Variants in TMEM266 observed in about 807,000 individuals in gnomAD.
TMEM266 encodes the protein transmembrane protein 266, also known as Hv1 related protein 1.
In TMEM266, 33 loss-of-function variants were observed where a neutral mutation model predicts 50.5. The ratio of observed to expected loss-of-function variants is 0.65; its 90% CI spans 0.50 to 0.87. TMEM266 has a LOEUF of 0.87. Ranked by LOEUF, TMEM266 falls within the 40% of genes least tolerant of loss-of-function variation. The probability of loss-of-function intolerance (pLI) is 0.00; values close to 1 mark genes in which losing one functional copy is unlikely to be tolerated. For missense variants in TMEM266, 655 were observed against 695.1 expected (o/e 0.94, Z 0.65); for synonymous variants, 310 against 292.3 (o/e 1.06, Z -0.62).
chr15:76,104,680 G>A (rs1371653952), intron 1 of TMEM266, among the ~76,000 whole-genome samples: 1 of 152,158 alleles, frequency 6.6e-6, no homozygotes, highest in Non-Finnish European at 1.5e-5. Context: ...GTGATTGCTC[G>A]ATTTCCCAGG....
At chr15:76,185,345 G>A (rs1240911778) in intron 8 of TMEM266, among the ~76,000 whole-genome samples, 4 of 152,000 alleles carry the variant, frequency 2.6e-5, no homozygotes, top group Non-Finnish European at 5.9e-5. Flanking sequence ...TTTAATGGCT[G>A]TAAGTTTTGA....
At position 76,139,269 on chromosome 15, in the gene TMEM266, G is replaced by T. The variant is rs753689997; in HGVS notation, c.227+1374G>T. Among the ~76,000 whole-genome samples, 3 of 152,006 alleles carry T rather than the reference G, an allele frequency of 2.0e-5. No homozygotes were observed. Among genetic ancestry groups the T allele is most frequent in the African/African-American group, 4.8e-5 (2 of 41,404 alleles). Reference sequence around the variant, plus strand: ...ATGGTGAAACCACACACCTTTTTTTGCAGAAACTACACCCCAGTGGCTTTC... The same window carrying T: ...ATGGTGAAACCACACACCTTTTTTTTCAGAAACTACACCCCAGTGGCTTTC... On this transcript the variant is annotated intron_variant, in intron 3 of 10. Transcript: ENST00000388942. The surrounding 1 kb of genome is among the most constrained non-coding windows in gnomAD (Gnocchi z 4.1).
At position 76,196,518 on chromosome 15, in the gene TMEM266, C is replaced by T. The variant is rs201893560; in HGVS notation, c.958+4361C>T. On this transcript the variant is annotated intron_variant, in intron 9 of 10. Coordinates refer to ENST00000388942, the MANE Select transcript of TMEM266 (RefSeq NM_152335.3). ...CATGACATTAGAAATTATGGCTGGA[C>T]AAGCTGAGAGCACTGTAGGCTACTC... is the stretch of plus-strand genomic sequence containing the variant. 2.8e-4 allele frequency among the ~76,000 whole-genome samples: 42 copies of T among 151,626 alleles called. 1 individual carries two copies. The East Asian group carries it at 7.7e-3, about 28-fold the overall frequency.
At chr15:76,175,247 G>T (rs2038255291) in intron 7 of TMEM266, 3 of 268,026 alleles carry the variant, frequency 1.1e-5, no homozygotes, top group South Asian at 8.6e-5. Context: ...CCAGAAGGTG[G>T]TCTTGTGGCC....
intron 1 of TMEM266, among the ~76,000 whole-genome samples, chr15:76,077,922 C>T (rs2036627927): frequency 6.6e-6 from 1 of 152,020 alleles, no homozygotes; most frequent in Non-Finnish European, 1.5e-5. Flanking sequence ...TGGGAGTAAA[C>T]ACATGGTAAA....
chr15:76,062,541 G>A (rs897397856), intron 1 of TMEM266, among the ~76,000 whole-genome samples: 2 of 152,160 alleles, frequency 1.3e-5, no homozygotes, highest in Non-Finnish European at 2.9e-5. Context: ...CTCAAGATGA[G>A]TCCTGATGTT....
intron 1 of TMEM266, among the ~76,000 whole-genome samples, chr15:76,115,846 G>T (rs78372815): frequency 0.011 from 1,705 of 152,282 alleles, 38 homozygotes; most frequent in African/African-American, 0.039. Context: ...CCAGGATGCA[G>T]CTATGTGACC....
At chr15:76,170,079 A>C (rs2038164907) in intron 6 of TMEM266, among the ~76,000 whole-genome samples, 1 of 152,204 alleles carries the variant, frequency 6.6e-6, no homozygotes, top group South Asian at 2.1e-4. Flanking sequence ...ATTCATTTAG[A>C]ATGTTAAAAG....
intron 2 of TMEM266, among the ~76,000 whole-genome samples, chr15:76,135,447 T>C (rs1013133734): frequency 6.6e-6 from 1 of 152,224 alleles, no homozygotes; most frequent in Non-Finnish European, 1.5e-5. Flanking sequence ...AAATAGTTTG[T>C]TCGCACTTCT....
At position 76,085,401 on chromosome 15, in the gene TMEM266, G is replaced by A. The variant is rs143692844; in HGVS notation, c.-97+25385G>A. The stretch of plus-strand genomic sequence containing the variant: ...GCCTCCTGAGTAGCTGGGACTACAG[G>A]CATGCACCACCACACCTGGCTAATT... On this transcript the variant is annotated intron_variant, in intron 1 of 10. Coordinates refer to ENST00000388942, the MANE Select transcript of TMEM266 (RefSeq NM_152335.3). Among the ~76,000 whole-genome samples, 225 of 152,162 alleles carry A rather than the reference G, an allele frequency of 1.5e-3. 1 individual carries two copies. In the East Asian group the frequency reaches 0.019, roughly 13 times the overall value.
chr15:76,069,470 G>A (rs2036501728), intron 1 of TMEM266, among the ~76,000 whole-genome samples: 1 of 152,166 alleles, frequency 6.6e-6, no homozygotes, highest in South Asian at 2.1e-4. Flanking sequence ...AGAGCTGGAG[G>A]AGACCTTAAG....
At chr15:76,116,431 T>G (rs368836623) in intron 1 of TMEM266, among the ~76,000 whole-genome samples, 10 of 152,046 alleles carry the variant, frequency 6.6e-5, no homozygotes, top group African/African-American at 1.9e-4. Context: ...GGAAGGGAAA[T>G]GCTCACATTC....
chr15:76,159,892 C>T (rs568049635), intron 4 of TMEM266, among the ~76,000 whole-genome samples: 19 of 152,060 alleles, frequency 1.2e-4, no homozygotes, highest in Non-Finnish European at 1.9e-4. Context: ...AGAACAGCAT[C>T]GTTGGCTCCC....
chr15:76,188,609 A>C (rs1294434468), intron 8 of TMEM266, among the ~76,000 whole-genome samples: 2 of 152,168 alleles, frequency 1.3e-5, no homozygotes, highest in African/African-American at 4.8e-5. Context: ...CTGAAAAACA[A>C]ACGAACAAAC....
At chr15:76,190,068 CAAA>C (rs1259324467) in intron 8 of TMEM266, among the ~76,000 whole-genome samples, 9 of 152,162 alleles carry the variant, frequency 5.9e-5, no homozygotes, top group Non-Finnish European at 1.5e-5. Context: ...GTAAAATCAA[CAAA>C]ATATTAAAAT....
At chr15:76,190,637 A>G (rs571515740) in intron 8 of TMEM266, among the ~76,000 whole-genome samples, 1 of 152,286 alleles carries the variant, frequency 6.6e-6, no homozygotes, top group South Asian at 2.1e-4. Context: ...AGGTGATTGC[A>G]TTTTTGGCTC....
intron 3 of TMEM266, among the ~76,000 whole-genome samples, chr15:76,155,536 G>C (rs1022317679): frequency 2.6e-5 from 4 of 152,156 alleles, no homozygotes; most frequent in African/African-American, 9.7e-5. Flanking sequence ...CTCTAGTCTT[G>C]CCAGATTCTC....
chr15:76,167,744 G>A (rs749179492), intron 5 of TMEM266, among the ~76,000 whole-genome samples: 2 of 152,026 alleles, frequency 1.3e-5, no homozygotes, highest in African/African-American at 2.4e-5. Context: ...CAAGCGATCT[G>A]CCCGCCTTGC....
At chr15:76,086,020 C>T in intron 1 of TMEM266, among the ~76,000 whole-genome samples, 1 of 150,834 alleles carries the variant, frequency 6.6e-6, no homozygotes, top group Non-Finnish European at 1.5e-5. Context: ...TGCACTCCAG[C>T]CTGGGCGATG....
Sources: allele counts gnomAD v4.1 joint callset (sites outside exome capture counted in the v4.1 genomes callset), GRCh38; gene constraint gnomAD v4.1.1; non-coding constraint Gnocchi (gnomAD v3.1); transcripts MANE v1.5; gene names NCBI Gene and HGNC (gene_info 2026-07-23, HGNC 2026-07-21).